PXDNL: variants seen among roughly 807,000 people sequenced by gnomAD.
The protein encoded by PXDNL is peroxidasin like, also known as probable oxidoreductase PXDNL.
PXDNL carries 145 observed loss-of-function variants against 150.8 expected under a neutral mutation model. The observed-to-expected ratio is 0.96, with a 90% CI of 0.84 to 1.10. PXDNL has a LOEUF of 1.10. PXDNL is among the 50% of genes least tolerant of loss of function. PXDNL has a pLI of 0.00. For synonymous variants in PXDNL, 757 were observed against 725.7 expected (o/e 1.04, Z -0.69); for missense variants, 2,087 against 1,873.9 (o/e 1.11, Z -2.10).
chr8:51,560,640 C>G (rs1239431466), intron 3 of PXDNL, among the ~76,000 whole-genome samples: 3 of 151,732 alleles, frequency 2.0e-5, no homozygotes, highest in Non-Finnish European at 2.9e-5. Flanking sequence ...GTACCATATA[C>G]AAAAATTAAC....
intron 1 of PXDNL, among the ~76,000 whole-genome samples, chr8:51,700,390 CAG>C (rs1196668403): frequency 3.3e-5 from 5 of 151,396 alleles, no homozygotes; most frequent in South Asian, 2.1e-4. Context: ...CACATACACA[CAG>C]AGATATAAAT....
chr8:51,620,732 A>G (rs1814234626), intron 2 of PXDNL, among the ~76,000 whole-genome samples: 1 of 151,998 alleles, frequency 6.6e-6, no homozygotes, highest in South Asian at 2.1e-4. Flanking sequence ...ACTTTAGTAG[A>G]GACGAGGTTT....
intron 21 of PXDNL, among the ~76,000 whole-genome samples, chr8:51,322,876 A>G (rs1291886699): frequency 3.9e-5 from 6 of 152,220 alleles, no homozygotes; most frequent in Non-Finnish European, 7.3e-5. Flanking sequence ...CCCATTCATT[A>G]CTCAATAGAT....
chr8:51,646,399 T>C (rs1410070534), intron 2 of PXDNL, among the ~76,000 whole-genome samples: 1 of 152,178 alleles, frequency 6.6e-6, no homozygotes, highest in African/African-American at 2.4e-5. Flanking sequence ...GGCATTTTGT[T>C]GTGATAGCCG....
intron 2 of PXDNL, among the ~76,000 whole-genome samples, chr8:51,607,562 C>T (rs1052193756): frequency 2.2e-4 from 34 of 151,956 alleles, no homozygotes; most frequent in African/African-American, 4.4e-4. Context: ...AGAGAGGGGC[C>T]GGGCACAGTG....
chr8:51,504,258 A>C (rs1267608402), intron 4 of PXDNL, among the ~76,000 whole-genome samples: 1 of 152,216 alleles, frequency 6.6e-6, no homozygotes, highest in Non-Finnish European at 1.5e-5. Context: ...AAGACCCTTA[A>C]ATGGCTTTTA....
intron 3 of PXDNL, among the ~76,000 whole-genome samples, chr8:51,583,333 A>C (rs79716249): frequency 0.018 from 2,723 of 152,258 alleles, 84 homozygotes; most frequent in African/African-American, 0.061. Flanking sequence ...CCAGCATCAC[A>C]TATGGAGAAA....
At chr8:51,649,918 A>G (rs1814998892) in intron 2 of PXDNL, among the ~76,000 whole-genome samples, 1 of 151,900 alleles carries the variant, frequency 6.6e-6, no homozygotes, top group African/African-American at 2.4e-5. Context: ...CCTGGCCAAC[A>G]TGGTAAAACC....
intron 1 of PXDNL, among the ~76,000 whole-genome samples, chr8:51,686,327 T>G (rs10109862): frequency 0.72 from 108,784 of 152,128 alleles, 39,537 homozygotes; most frequent in East Asian, 0.86. Context: ...CATGCTTTCT[T>G]CCCAGCCTGG....
intron 1 of PXDNL, among the ~76,000 whole-genome samples, chr8:51,731,597 C>T (rs1413159050): frequency 6.6e-6 from 1 of 152,252 alleles, no homozygotes; most frequent in African/African-American, 2.4e-5. Flanking sequence ...TCCCATTCCA[C>T]ATTCCCTTTT....
chr8:51,670,317 A>G (rs1373009519), intron 1 of PXDNL, among the ~76,000 whole-genome samples: 1 of 152,184 alleles, frequency 6.6e-6, no homozygotes, highest in Non-Finnish European at 1.5e-5. Flanking sequence ...TGACTTAATG[A>G]TGGGGATACG....
Position 51,475,797 on chromosome 8 carries a change from G to GT in PXDNL, c.525-657dup, listed in dbSNP as rs1012295778. ...CCCTCCCTCCCTTCCCTCACCAGTA[G>GT]TCCCCAGTGTCTATCGTTGTCATTT... On this transcript the variant is annotated intron_variant, in intron 6 of 22. Transcript: ENST00000356297. 4.0e-4 allele frequency among the ~76,000 whole-genome samples: 60 copies of GT among 151,656 alleles called. 1 individual carries two copies. The highest frequency in any genetic ancestry group is 1.4e-3 in the African/African-American group (58 of 41,294).
intron 1 of PXDNL, among the ~76,000 whole-genome samples, chr8:51,807,341 C>T (rs2037688363): frequency 1.1e-5 from 1 of 95,048 alleles, no homozygotes. Context: ...TTTTAAACAA[C>T]CTGATCTTGT....
chr8:51,369,543 T>C (rs904064265), intron 19 of PXDNL, among the ~76,000 whole-genome samples: 1 of 152,216 alleles, frequency 6.6e-6, no homozygotes, highest in Non-Finnish European at 1.5e-5. Flanking sequence ...TATCCATTTG[T>C]AATGGTTCTC....
intron 4 of PXDNL, among the ~76,000 whole-genome samples, chr8:51,528,322 C>T (rs144558681): frequency 6.6e-6 from 1 of 152,186 alleles, no homozygotes; most frequent in East Asian, 1.9e-4. Flanking sequence ...CACCATAGTG[C>T]TATTTGCAAA....
At chr8:51,520,271 C>A (rs1234504217) in intron 4 of PXDNL, among the ~76,000 whole-genome samples, 1 of 152,166 alleles carries the variant, frequency 6.6e-6, no homozygotes, top group African/African-American at 2.4e-5. Flanking sequence ...TGCCCCTCTT[C>A]AACCCAACTC....
chr8:51,759,105 C>T (rs2037134076), intron 1 of PXDNL, among the ~76,000 whole-genome samples: 1 of 152,118 alleles, frequency 6.6e-6, no homozygotes, highest in Non-Finnish European at 1.5e-5. Flanking sequence ...AGTACTGGAC[C>T]TGATGTACAG....
At chr8:51,775,527 G>A (rs1463235520) in intron 1 of PXDNL, among the ~76,000 whole-genome samples, 3 of 152,138 alleles carry the variant, frequency 2.0e-5, no homozygotes, top group Non-Finnish European at 2.9e-5. Context: ...AACATAAATT[G>A]TGAAGATTTC....
chr8:51,706,867 G>A (rs11988429), intron 1 of PXDNL, among the ~76,000 whole-genome samples: 5,325 of 152,154 alleles, frequency 0.035, 295 homozygotes, highest in African/African-American at 0.12. Flanking sequence ...TCAAACAGAC[G>A]TCAACCTTTG....
Sources: allele counts gnomAD v4.1 joint callset (sites outside exome capture counted in the v4.1 genomes callset), GRCh38; gene constraint gnomAD v4.1.1; transcripts MANE v1.5; gene names NCBI Gene and HGNC (gene_info 2026-07-23, HGNC 2026-07-21).